FHOD3: variants seen among roughly 807,000 people sequenced by gnomAD.
FHOD3 encodes formin homology 2 domain containing 3.
FHOD3 carries 90 observed loss-of-function variants against 173.0 expected under a neutral mutation model. That is an observed-to-expected ratio of 0.52 (90% CI 0.44 to 0.62). FHOD3 has a LOEUF of 0.62. Ranked by LOEUF, FHOD3 falls within the 20% of genes least tolerant of loss-of-function variation. The probability of loss-of-function intolerance (pLI) is 0.00; values close to 1 mark genes in which losing one functional copy is unlikely to be tolerated. For missense variants in FHOD3, 1,945 were observed against 2,034.7 expected, an observed-to-expected ratio of 0.96 and a Z score of 0.85; for synonymous variants, 828 against 823.0, an observed-to-expected ratio of 1.01 and a Z score of -0.10.
chr18:36,723,671 C>T (rs147531343), intron 19 of FHOD3, among the ~76,000 whole-genome samples: 3 of 152,290 alleles, frequency 2.0e-5, no homozygotes, highest in African/African-American at 4.8e-5. Context: ...AAAGGTCTGT[C>T]GCCTTTCATG....
At chr18:36,389,829 A>T (rs534163388) in intron 3 of FHOD3, among the ~76,000 whole-genome samples, 1 of 152,030 alleles carries the variant, frequency 6.6e-6, no homozygotes, top group South Asian at 2.1e-4. Flanking sequence ...TGAATCTGGG[A>T]GAAGGCAATG....
chr18:36,443,366 G>A (rs982533500), intron 3 of FHOD3, among the ~76,000 whole-genome samples: 2 of 152,152 alleles, frequency 1.3e-5, no homozygotes, highest in Admixed American at 6.5e-5. Flanking sequence ...ATTTGTATCA[G>A]TATGAACTCA....
chr18:36,569,909 T>C (rs1014759596), intron 5 of FHOD3, among the ~76,000 whole-genome samples: 2 of 152,104 alleles, frequency 1.3e-5, no homozygotes, highest in Admixed American at 6.5e-5. Context: ...TGGGATGTGG[T>C]TGAAGCAATG....
intron 16 of FHOD3, among the ~76,000 whole-genome samples, chr18:36,689,693 T>C (rs1025416991): frequency 2.0e-5 from 3 of 152,034 alleles, no homozygotes; most frequent in African/African-American, 7.2e-5. Flanking sequence ...GGGTGTGTTG[T>C]GGGGTAGCAC....
intron 10 of FHOD3, among the ~76,000 whole-genome samples, chr18:36,642,582 CAAAAAAAAA>C (rs35920197): frequency 1.3e-4 from 8 of 61,800 alleles, no homozygotes; most frequent in South Asian, 4.9e-4. Flanking sequence ...GACTCCGTCT[CAAAAAAAAA>C]AAAAAAAAAA....
rs550887464 is a variant in FHOD3 at position 36,565,829 on chromosome 18, T to C, written c.512-10622T>C. ...TCAGTGAGAGGAATCTTGCGTTTCATGGTGGAACTCTGTGGCCTCAAATAT... is the reference window on the plus strand; with the variant it reads ...TCAGTGAGAGGAATCTTGCGTTTCACGGTGGAACTCTGTGGCCTCAAATAT... On this transcript the variant is annotated intron_variant, in intron 5 of 28. Coordinates refer to ENST00000590592, the MANE Select transcript of FHOD3 (RefSeq NM_001281740.3). 2.7e-4 allele frequency among the ~76,000 whole-genome samples: 41 copies of C among 152,344 alleles called. 1 individual carries two copies. The highest frequency in any genetic ancestry group is 4.6e-4 in the Non-Finnish European group (31 of 68,032).
intron 1 of FHOD3, among the ~76,000 whole-genome samples, chr18:36,320,360 A>G (rs2044332969): frequency 6.6e-6 from 1 of 152,236 alleles, no homozygotes; most frequent in South Asian, 2.1e-4. Flanking sequence ...AAACACCTCT[A>G]TGCAAATAAA....
chr18:36,379,548 T>C (rs2047629542), intron 3 of FHOD3, among the ~76,000 whole-genome samples: 2 of 152,166 alleles, frequency 1.3e-5, no homozygotes, highest in South Asian at 4.1e-4. Context: ...AACATGAAAA[T>C]CTGGCAAACA....
At chr18:36,638,071 A>G (rs553240000) in intron 10 of FHOD3, among the ~76,000 whole-genome samples, 5 of 152,324 alleles carry the variant, frequency 3.3e-5, no homozygotes, top group East Asian at 1.9e-4. Flanking sequence ...CTTAACTGTT[A>G]TCAGTAGTAG....
At chr18:36,567,896 AACTC>A (rs2058321183) in intron 5 of FHOD3, among the ~76,000 whole-genome samples, 1 of 152,046 alleles carries the variant, frequency 6.6e-6, no homozygotes, top group Admixed American at 6.6e-5. Flanking sequence ...GTGGGGTGGA[AACTC>A]ACTCACAGAA....
chr18:36,337,087 G>A (rs1177900146), intron 1 of FHOD3, among the ~76,000 whole-genome samples: 1 of 148,436 alleles, frequency 6.7e-6, no homozygotes, highest in African/African-American at 2.5e-5. Context: ...GCAGAGAATT[G>A]TTTGAACCTG....
chr18:36,520,349 T>C (rs1275662128), intron 5 of FHOD3, among the ~76,000 whole-genome samples: 1 of 152,222 alleles, frequency 6.6e-6, no homozygotes, highest in African/African-American at 2.4e-5. Context: ...ATACTTCATG[T>C]AGAGCATCTT....
chr18:36,662,593 A>G (rs1056402105), intron 14 of FHOD3, among the ~76,000 whole-genome samples: 2 of 152,242 alleles, frequency 1.3e-5, no homozygotes, highest in Non-Finnish European at 2.9e-5. Flanking sequence ...TTGTCCCAGC[A>G]GAGTTCTTCC....
At chr18:36,701,109 A>G (rs1442669428) in intron 17 of FHOD3, among the ~76,000 whole-genome samples, 1 of 152,230 alleles carries the variant, frequency 6.6e-6, no homozygotes, top group Non-Finnish European at 1.5e-5. Flanking sequence ...ACAAGCATTC[A>G]GTACATGGGT....
At chr18:36,629,984 C>T (rs1018142897) in intron 10 of FHOD3, among the ~76,000 whole-genome samples, 3 of 151,904 alleles carry the variant, frequency 2.0e-5, no homozygotes, top group African/African-American at 7.3e-5. Flanking sequence ...CAGGATAGCC[C>T]CCTGCCAAAC....
intron 28 of FHOD3, among the ~76,000 whole-genome samples, chr18:36,769,994 C>A (rs2043307242): frequency 6.6e-6 from 1 of 152,222 alleles, no homozygotes; most frequent in Admixed American, 6.5e-5. Flanking sequence ...TCAACTAAAT[C>A]AAAGTGACTG....
rs141656720 is a variant in FHOD3, at chr18:36,488,244, C to A, written c.338-13688C>A. ...GACATGATTGATGCTGGGTTGTTCC[C>A]TTTTGACCCCAGCTAATGATCCTTA... is the stretch of plus-strand genomic sequence containing the variant. On this transcript the variant is annotated intron_variant, in intron 3 of 28. Transcript: ENST00000590592. 1.5e-4 allele frequency among the ~76,000 whole-genome samples: 23 copies of A among 152,282 alleles called. No individual in the cohort carries two copies. The East Asian group carries it at 4.2e-3, about 28-fold the overall frequency.
chr18:36,737,465 T>C (rs2041693992), intron 20 of FHOD3, among the ~76,000 whole-genome samples: 1 of 152,242 alleles, frequency 6.6e-6, no homozygotes, highest in Non-Finnish European at 1.5e-5. Context: ...CTTAATGCCA[T>C]CTGCATGAAC....
At chr18:36,387,905 G>T (rs1477583950) in intron 3 of FHOD3, among the ~76,000 whole-genome samples, 1 of 152,092 alleles carries the variant, frequency 6.6e-6, no homozygotes, top group Non-Finnish European at 1.5e-5. Context: ...GGTAGAGGCT[G>T]TTCCTCTCTT....
Sources: gnomAD v4.1 joint callset for allele counts (sites outside exome capture counted in the v4.1 genomes callset) on GRCh38, gnomAD v4.1.1 for gene constraint, MANE v1.5 for transcripts, NCBI Gene and HGNC (gene_info 2026-07-23, HGNC 2026-07-21) for gene names.